Variants in MMP26 observed in about 807,000 individuals in gnomAD.
MMP26 encodes matrix metallopeptidase 26.
Under a neutral mutation model 31.0 loss-of-function variants are expected in MMP26, and 33 were observed. The observed-to-expected ratio is 1.06, with a 90% CI of 0.81 to 1.42. The LOEUF (loss-of-function observed/expected upper bound fraction) is 1.42. Among genes scored for constraint, MMP26 ranks in the 40% most tolerant of loss-of-function variants. The pLI is 0.00. For synonymous variants in MMP26, 122 were observed against 114.9 expected, an observed-to-expected ratio of 1.06 and a Z score of -0.40; for missense variants, 347 against 316.1, an observed-to-expected ratio of 1.10 and a Z score of -0.74.
At chr11:4,785,965 A>G (rs1412514744) in intron 2 of MMP26, among the ~76,000 whole-genome samples, 1 of 152,172 alleles carries the variant, frequency 6.6e-6, no homozygotes, top group Admixed American at 6.5e-5. Flanking sequence ...TCAGATGACA[A>G]TCTGTTGCCC....
At chr11:4,887,546 T>C (rs1477864688) in intron 2 of MMP26, among the ~76,000 whole-genome samples, 1 of 152,194 alleles carries the variant, frequency 6.6e-6, no homozygotes, top group Non-Finnish European at 1.5e-5. Context: ...TGAACTGTTT[T>C]TCAGGACAGC....
rs1396602923 is a variant in MMP26 at position 4,849,216 on chromosome 11, G to C, written c.-145+81875G>C. 5.0e-6 allele frequency: 8 copies of C among 1,592,824 alleles called. No individual in the cohort carries two copies. The East Asian group carries it at 1.8e-4, about 36-fold the overall frequency. ...AGTTGGTAATGTTGACATAGTTCAG[G>C]ATTCCACGTTGAACTCTGGAACCTG... On this transcript the variant is annotated intron_variant, in intron 2 of 7. Transcript: ENST00000380390.
rs145202384 is a variant in MMP26 at position 4,769,460 on chromosome 11, C to T, written c.-145+2119C>T. ...TAGTGGCAATATTAGTACTATAGCA[C>T]GTGTAATCATCAGAAGACCCATTTG... On this transcript the variant is annotated intron_variant, in intron 2 of 7. Transcript: ENST00000380390. The T allele has an allele frequency of 2.3e-5, 37 of 1,612,754 alleles. No homozygotes were observed. The highest frequency in any genetic ancestry group is 1.6e-4 in the Middle Eastern group (1 of 6,062).
chr11:4,985,973 T>C (rs2133644616), intron 2 of MMP26, among the ~76,000 whole-genome samples: 1 of 152,350 alleles, frequency 6.6e-6, no homozygotes. Context: ...TACCATTTGG[T>C]TTCCCATGTC....
chr11:4,838,691 A>G (rs1257711429), intron 2 of MMP26, among the ~76,000 whole-genome samples: 1 of 151,448 alleles, frequency 6.6e-6, no homozygotes, highest in Non-Finnish European at 1.5e-5. Flanking sequence ...CTATTATAAG[A>G]AAACAAGATG....
intron 1 of MMP26, among the ~76,000 whole-genome samples, chr11:4,725,269 A>G (rs1489248705): frequency 6.6e-6 from 1 of 152,218 alleles, no homozygotes; most frequent in Non-Finnish European, 1.5e-5. Flanking sequence ...GAACTGACTA[A>G]TACATAGACA....
Position 4,806,662 on chromosome 11 carries a change from T to C in MMP26, c.-145+39321T>C, listed in dbSNP as rs930075936. Among the ~76,000 whole-genome samples the C allele has an allele frequency of 7.9e-5, 12 of 152,290 alleles. 1 individual carries two copies. The highest frequency in any genetic ancestry group is 2.4e-4 in the African/African-American group (10 of 41,554). On this transcript the variant is annotated intron_variant, in intron 2 of 7. Coordinates refer to ENST00000380390, the MANE Select transcript of MMP26 (RefSeq NM_021801.5). Reference sequence around the variant, plus strand: ...CCTGAATACAGCACACTGATAAATCTCTCAAGATTTATAACAGACTGGGAG... The same window carrying C: ...CCTGAATACAGCACACTGATAAATCCCTCAAGATTTATAACAGACTGGGAG...
intron 2 of MMP26, among the ~76,000 whole-genome samples, chr11:4,925,715 T>C (rs368465931): frequency 7.4e-5 from 11 of 147,904 alleles, no homozygotes; most frequent in African/African-American, 2.5e-4. Context: ...ATCAGAGAAA[T>C]AGGATGAAAG....
intron 2 of MMP26, chr11:4,924,427 C>G: frequency 7.3e-7 from 1 of 1,364,516 alleles, no homozygotes; most frequent in South Asian, 1.4e-5. Context: ...ACCTAAATGT[C>G]CCAAGATCAG....
chr11:4,806,671 T>G (rs1849274813), intron 2 of MMP26, among the ~76,000 whole-genome samples: 1 of 152,140 alleles, frequency 6.6e-6, no homozygotes, highest in Admixed American at 6.5e-5. Flanking sequence ...CTCTCAAGAT[T>G]TATAACAGAC....
chr11:4,903,695 T>C (rs1351655190), intron 2 of MMP26: 2 of 152,120 alleles, frequency 1.3e-5, no homozygotes, highest in African/African-American at 4.8e-5. Flanking sequence ...CTCAAGGGTC[T>C]AGTCACCTGA....
intron 2 of MMP26, among the ~76,000 whole-genome samples, chr11:4,949,459 T>TA (rs1201544232): frequency 8.1e-6 from 1 of 123,266 alleles, no homozygotes; most frequent in Non-Finnish European, 1.8e-5. Context: ...ATTGTTCTTG[T>TA]AAAAAACAAA....
At chr11:4,903,427 T>G (rs189457162) in intron 2 of MMP26, among the ~76,000 whole-genome samples, 225 of 152,316 alleles carry the variant, frequency 1.5e-3, no homozygotes, top group African/African-American at 5.2e-3. Context: ...TAAGCTAAGA[T>G]GAAGAACGTT....
intron 2 of MMP26, among the ~76,000 whole-genome samples, chr11:4,963,835 G>C (rs547746697): frequency 6.6e-6 from 1 of 152,050 alleles, no homozygotes. Context: ...GCATCTCATC[G>C]TGGTTTTGAT....
At chr11:4,985,288 T>A (rs530151263) in intron 2 of MMP26, among the ~76,000 whole-genome samples, 1 of 152,316 alleles carries the variant, frequency 6.6e-6, no homozygotes, top group Admixed American at 6.5e-5. Flanking sequence ...AAGGTCTATA[T>A]CACCATGAGA....
intron 2 of MMP26, chr11:4,947,467 C>A: frequency 1.2e-5 from 2 of 170,608 alleles, no homozygotes; most frequent in South Asian, 1.2e-4. Flanking sequence ...TATGTTCTGA[C>A]CTTCAGTTCT....
chr11:4,791,370 A>C (rs1033227215), intron 2 of MMP26, among the ~76,000 whole-genome samples: 1 of 152,106 alleles, frequency 6.6e-6, no homozygotes, highest in Non-Finnish European at 1.5e-5. Flanking sequence ...TTCCTAGTAG[A>C]GGACTCTATA....
intron 2 of MMP26, chr11:4,847,339 A>T (rs1380687350): frequency 6.6e-6 from 1 of 152,262 alleles, no homozygotes; most frequent in Admixed American, 6.5e-5. Context: ...GCCACTTGTA[A>T]GATTCCATTT....
chr11:4,710,532 C>T (rs1847848008), intron 1 of MMP26: 1 of 400,700 alleles, frequency 2.5e-6, no homozygotes, highest in Admixed American at 2.6e-5. Flanking sequence ...GAGTGTACTC[C>T]TTCTTTACCA....
Sources: allele counts gnomAD v4.1 joint callset (sites outside exome capture counted in the v4.1 genomes callset), GRCh38; gene constraint gnomAD v4.1.1; transcripts MANE v1.5; gene names NCBI Gene and HGNC (gene_info 2026-07-23, HGNC 2026-07-21).